TMEM232: variants seen among roughly 807,000 people sequenced by gnomAD.
TMEM232 encodes transmembrane protein 232.
A neutral mutation model predicts 78.8 loss-of-function variants in TMEM232; 80 were observed. The ratio of observed to expected loss-of-function variants is 1.01; its 90% CI spans 0.85 to 1.22. The LOEUF is 1.22. TMEM232 is among the 50% of genes most tolerant of loss of function. The pLI, the probability that TMEM232 is intolerant of heterozygous loss-of-function variation, is 0.00. For missense variants in TMEM232, 881 were observed against 742.2 expected (o/e 1.19, Z -2.17); for synonymous variants, 297 against 254.3 (o/e 1.17, Z -1.60).
At chr5:110,712,975 A>C (rs999865467) in intron 1 of TMEM232, among the ~76,000 whole-genome samples, 1 of 152,220 alleles carries the variant, frequency 6.6e-6, no homozygotes, top group Non-Finnish European at 1.5e-5. Context: ...TTGTTATAAC[A>C]CTGTCCACAA....
chr5:110,534,268 A>G (rs559295914), intron 11 of TMEM232, among the ~76,000 whole-genome samples: 2 of 152,340 alleles, frequency 1.3e-5, no homozygotes, highest in South Asian at 4.1e-4. Context: ...AAATCAGCCA[A>G]GCATTTTTTC....
chr5:110,585,982 G>GTTA (rs906630869), intron 10 of TMEM232, among the ~76,000 whole-genome samples: 4 of 152,138 alleles, frequency 2.6e-5, no homozygotes, highest in African/African-American at 7.2e-5. Context: ...GAAAGAATAT[G>GTTA]TTAGATTTTT....
At chr5:110,405,955 C>T (rs1755775841) in intron 2 of TMEM232, among the ~76,000 whole-genome samples, 1 of 151,654 alleles carries the variant, frequency 6.6e-6, no homozygotes, top group South Asian at 2.1e-4. Flanking sequence ...AGAAGAAAAA[C>T]ACACATAGGC....
intron 11 of TMEM232, among the ~76,000 whole-genome samples, chr5:110,532,356 G>A (rs1284040999): frequency 2.0e-5 from 3 of 151,370 alleles, no homozygotes; most frequent in African/African-American, 7.3e-5. Context: ...AGACCATCAC[G>A]GATGCCGAGC....
intron 12 of TMEM232, among the ~76,000 whole-genome samples, chr5:110,495,367 G>T (rs1054366029): frequency 9.9e-5 from 15 of 151,882 alleles, no homozygotes; most frequent in African/African-American, 3.6e-4. Context: ...ACTGGGGAAG[G>T]ATCTCAACAT....
chr5:110,516,217 C>T (rs1015410146), intron 12 of TMEM232, among the ~76,000 whole-genome samples: 1 of 152,006 alleles, frequency 6.6e-6, no homozygotes, highest in Admixed American at 6.6e-5. Flanking sequence ...TCAGCCTGGG[C>T]AACAGAGGAA....
At chr5:110,599,954 A>G (rs530747304) in intron 10 of TMEM232, among the ~76,000 whole-genome samples, 1 of 151,704 alleles carries the variant, frequency 6.6e-6, no homozygotes, top group African/African-American at 2.4e-5. Flanking sequence ...AACGGAAATC[A>G]TAACAGTCTC....
intron 1 of TMEM232, among the ~76,000 whole-genome samples, chr5:110,705,934 C>T (rs982543179): frequency 6.6e-6 from 1 of 151,788 alleles, no homozygotes; most frequent in Admixed American, 6.6e-5. Context: ...GAAAAGGATG[C>T]TTCTGTTGGG....
At chr5:110,611,637 T>C (rs766810990) in intron 8 of TMEM232, among the ~76,000 whole-genome samples, 2 of 152,168 alleles carry the variant, frequency 1.3e-5, no homozygotes, top group African/African-American at 2.4e-5. Flanking sequence ...TGGCAATTTA[T>C]GAGACACTGA....
intron 2 of TMEM232, among the ~76,000 whole-genome samples, chr5:110,400,317 G>A (rs1031053049): frequency 6.6e-6 from 1 of 151,966 alleles, no homozygotes; most frequent in African/African-American, 2.4e-5. Context: ...AAGAAGTGAC[G>A]TGTCATGATT....
At chr5:110,390,350 C>G (rs550057749) in intron 4 of TMEM232, 1 of 152,298 alleles carries the variant, frequency 6.6e-6, no homozygotes, top group African/African-American at 2.4e-5. Context: ...GAGGACAAGT[C>G]ACAATCTGCC....
At chr5:110,408,367 G>A (rs1343137481) in intron 2 of TMEM232, among the ~76,000 whole-genome samples, 2 of 152,136 alleles carry the variant, frequency 1.3e-5, no homozygotes, top group Non-Finnish European at 2.9e-5. Context: ...CAAGGTGGGT[G>A]GATCACTTGA....
intron 11 of TMEM232, among the ~76,000 whole-genome samples, chr5:110,561,317 AC>A (rs1367436309): frequency 2.0e-5 from 3 of 152,040 alleles, no homozygotes; most frequent in East Asian, 3.9e-4. Flanking sequence ...CAATAAAAAA[AC>A]AAAACTGTTC....
chr5:110,527,552 A>C (rs561855032), intron 12 of TMEM232, among the ~76,000 whole-genome samples: 1 of 152,090 alleles, frequency 6.6e-6, no homozygotes, highest in African/African-American at 2.4e-5. Context: ...AAATTCCTCT[A>C]AGCCAGGAAC....
intron 11 of TMEM232, among the ~76,000 whole-genome samples, chr5:110,543,508 C>T (rs10078883): frequency 0.32 from 49,159 of 152,104 alleles, 13,593 homozygotes; most frequent in African/African-American, 0.75. Context: ...TACCACTTGC[C>T]AGTCATCAAT....
intron 11 of TMEM232, among the ~76,000 whole-genome samples, chr5:110,550,815 T>A (rs1774360865): frequency 1.3e-5 from 2 of 151,766 alleles, no homozygotes; most frequent in African/African-American, 2.4e-5. Context: ...CAAGTGGACT[T>A]GCTTTTTAAA....
At chr5:110,511,507 C>T (rs185721855) in intron 12 of TMEM232, among the ~76,000 whole-genome samples, 1 of 151,234 alleles carries the variant, frequency 6.6e-6, no homozygotes, top group African/African-American at 2.4e-5. Flanking sequence ...TATAATACTA[C>T]ATTAATATAT....
Position 110,667,410 on chromosome 5 carries a change from G to C in TMEM232, c.-12-46C>G, listed in dbSNP as rs1790734040. ...ATGTTAGCATACAAATGCACTCATA[G>C]TATCAAACAACATGTTATGCAAATT... On this transcript the variant is annotated intron_variant, in intron 1 of 13. Transcript: ENST00000455884. 4 of 1,358,448 alleles carry C rather than the reference G, an allele frequency of 2.9e-6. No homozygotes were observed. In the African/African-American group the frequency reaches 4.6e-5, roughly 16 times the overall value. 84.1% of individuals were successfully genotyped at this position (1,358,448 alleles called of 1,614,324 possible).
intron 11 of TMEM232, among the ~76,000 whole-genome samples, chr5:110,561,542 G>C (rs1775748371): frequency 6.6e-6 from 1 of 151,942 alleles, no homozygotes; most frequent in Middle Eastern, 3.2e-3. Context: ...ATAAAAGAAA[G>C]AAACAATATT....
Sources: allele counts gnomAD v4.1 joint callset (sites outside exome capture counted in the v4.1 genomes callset), GRCh38; gene constraint gnomAD v4.1.1; transcripts MANE v1.5; gene names NCBI Gene and HGNC (gene_info 2026-07-23, HGNC 2026-07-21).